The following PTPRD variants were observed in gnomAD, a reference collection of about 807,000 sequenced individuals.
PTPRD encodes the protein receptor-type tyrosine-protein phosphatase delta.
PTPRD carries 34 observed loss-of-function variants against 214.5 expected under a neutral mutation model. The ratio of observed to expected loss-of-function variants is 0.16; its 90% CI spans 0.12 to 0.21. The LOEUF is 0.21. Among genes scored for constraint, PTPRD ranks in the 10% least tolerant of loss-of-function variants. The pLI is 1.00. For synonymous variants in PTPRD, 1,128 were observed against 845.7 expected (o/e 1.33, Z -5.79); for missense variants, 2,545 against 2,398.7 (o/e 1.06, Z -1.27).
At chr9:8,327,910 T>C (rs1835605502) in intron 44 of PTPRD, among the ~76,000 whole-genome samples, 1 of 152,122 alleles carries the variant, frequency 6.6e-6, no homozygotes, top group Admixed American at 6.6e-5. Context: ...ATGTGTGTCT[T>C]TGCATGTGAG....
intron 10 of PTPRD, chr9:9,090,812 G>A: frequency 1.4e-6 from 1 of 712,766 alleles, no homozygotes. Context: ...AACTCTTAAT[G>A]ACATCTCAAT....
intron 8 of PTPRD, among the ~76,000 whole-genome samples, chr9:9,517,352 G>C (rs1207572411): frequency 2.0e-5 from 3 of 152,002 alleles, no homozygotes; most frequent in Admixed American, 2.0e-4. Flanking sequence ...TTTAGTAAGG[G>C]GATAGACTTT....
chr9:8,479,178 T>C (rs2096829721), intron 30 of PTPRD, among the ~76,000 whole-genome samples: 1 of 152,212 alleles, frequency 6.6e-6, no homozygotes, highest in Non-Finnish European at 1.5e-5. Flanking sequence ...CCGTGTTACA[T>C]TAACCAGTCT....
intron 8 of PTPRD, among the ~76,000 whole-genome samples, chr9:9,523,933 G>C (rs1186841721): frequency 6.6e-6 from 1 of 152,126 alleles, no homozygotes; most frequent in African/African-American, 2.4e-5. Context: ...GCTGACTTCA[G>C]GAGCGAGCAG....
intron 39 of PTPRD, among the ~76,000 whole-genome samples, chr9:8,372,139 A>T (rs1388194456): frequency 1.3e-5 from 2 of 152,082 alleles, no homozygotes; most frequent in Non-Finnish European, 2.9e-5. Flanking sequence ...GAAAAGTCTC[A>T]TGGGATTGCC....
At chr9:8,449,285 G>T (rs1438507305) in intron 34 of PTPRD, among the ~76,000 whole-genome samples, 1 of 147,578 alleles carries the variant, frequency 6.8e-6, no homozygotes, top group East Asian at 2.1e-4. Context: ...CTCTTTCAGA[G>T]TACCATAAAC....
At chr9:9,941,092 CAT>C (rs2091332747) in intron 4 of PTPRD, among the ~76,000 whole-genome samples, 1 of 152,092 alleles carries the variant, frequency 6.6e-6, no homozygotes, top group Non-Finnish European at 1.5e-5. Context: ...AAAAAAATCT[CAT>C]GTTTTCTCAT....
rs1435975309 is a variant in PTPRD, at chr9:8,319,812, A to C, written c.5670+19T>G. 3 of 1,611,414 alleles carry C rather than the reference A, an allele frequency of 1.9e-6. No individual in the cohort carries two copies. Among genetic ancestry groups the C allele is most frequent in the Non-Finnish European group, 8.5e-7 (1 of 1,178,918 alleles). Reference sequence around the variant, plus strand: ...AACGTAGGCTCTTGAGATGCGAAAAATGCAATGGATTTTCTCACCTCTGTC... The same window carrying C: ...AACGTAGGCTCTTGAGATGCGAAAACTGCAATGGATTTTCTCACCTCTGTC... On this transcript the variant is annotated intron_variant, in intron 45 of 45. Transcript: ENST00000381196.
chr9:8,784,667 T>A (rs991635038), intron 11 of PTPRD, among the ~76,000 whole-genome samples: 3 of 152,174 alleles, frequency 2.0e-5, no homozygotes, highest in Non-Finnish European at 4.4e-5. Context: ...AAAGCGTGAA[T>A]AAATTTTGCT....
At chr9:8,519,087 AC>A (rs762793315) in intron 20 of PTPRD, among the ~76,000 whole-genome samples, 16 of 152,346 alleles carry the variant, frequency 1.1e-4, no homozygotes, top group Non-Finnish European at 1.9e-4. Context: ...TAAATGAAAA[AC>A]CAAAAATTTT....
intron 9 of PTPRD, among the ~76,000 whole-genome samples, chr9:9,336,132 T>C (rs1403748387): frequency 1.3e-5 from 2 of 152,084 alleles, no homozygotes; most frequent in Non-Finnish European, 2.9e-5. Context: ...AATGCAAAGA[T>C]ATAAGCTTTG....
At chr9:9,944,603 T>C (rs563184690) in intron 4 of PTPRD, among the ~76,000 whole-genome samples, 1 of 152,138 alleles carries the variant, frequency 6.6e-6, no homozygotes, top group African/African-American at 2.4e-5. Context: ...GGCATGTGTA[T>C]AACTGGGTGA....
intron 2 of PTPRD, among the ~76,000 whole-genome samples, chr9:10,602,228 G>A (rs2078164565): frequency 6.6e-6 from 1 of 151,776 alleles, no homozygotes; most frequent in Admixed American, 6.6e-5. Flanking sequence ...CCAATTCGCT[G>A]TGAAAGAGCA....
At chr9:9,821,578 T>C (rs1359659168) in intron 5 of PTPRD, among the ~76,000 whole-genome samples, 10 of 152,214 alleles carry the variant, frequency 6.6e-5, no homozygotes, top group African/African-American at 2.2e-4. Context: ...ATAATGATTA[T>C]TGCATAGGCT....
rs375825945 is a variant in PTPRD, at chr9:9,447,173, C to A, written c.-236-49691G>T. Among the ~76,000 whole-genome samples, 153 of 152,088 alleles carry A rather than the reference C, an allele frequency of 1.0e-3. 1 individual carries two copies. The highest frequency in any genetic ancestry group is 3.6e-3 in the African/African-American group (148 of 41,478). ...AGCAATCCGATTACTGAGTATATAC[C>A]CAAAGGAATATTAATCATTCTATCA... On this transcript the variant is annotated intron_variant, in intron 8 of 45. Transcript: ENST00000381196.
At chr9:10,416,118 C>T (rs1223156009) in intron 2 of PTPRD, among the ~76,000 whole-genome samples, 4 of 151,456 alleles carry the variant, frequency 2.6e-5, no homozygotes, top group Admixed American at 6.6e-5. Flanking sequence ...GAGGCCGAGG[C>T]GGGCGGATCA....
At chr9:8,990,840 T>C (rs978896152) in intron 11 of PTPRD, among the ~76,000 whole-genome samples, 5 of 152,008 alleles carry the variant, frequency 3.3e-5, no homozygotes, top group African/African-American at 1.2e-4. Context: ...CCTAAGTCAG[T>C]CTACTGCCGT....
intron 2 of PTPRD, among the ~76,000 whole-genome samples, chr9:10,406,663 G>C (rs1219889490): frequency 9.9e-5 from 15 of 151,592 alleles, no homozygotes; most frequent in Non-Finnish European, 1.2e-4. Flanking sequence ...AAATATCTAT[G>C]ACAGAAGAAT....
chr9:8,964,190 G>GTTTTTTTTTTTTTTTTTTTTTTTTTT lies in PTPRD; in HGVS notation c.-104+54506_-104+54507insAAAAAAAAAAAAAAAAAAAAAAAAAA, dbSNP rs1334290420. Among the ~76,000 whole-genome samples the GTTTTTTTTTTTTTTTTTTTTTTTTTT allele has an allele frequency of 6.0e-4, 32 of 52,944 alleles. 9 individuals carry two copies. The highest frequency in any genetic ancestry group is 0.013 in the Middle Eastern group (1 of 76). 34.7% of individuals were successfully genotyped at this position (52,944 alleles called of 152,430 possible). ...CTGTGAATCTATCTAGTTCAGGGCTGTGTTTTTTTTTTTTTTTTTTTTTTT... is the reference window on the plus strand; with the variant it reads ...CTGTGAATCTATCTAGTTCAGGGCTGTTTTTTTTTTTTTTTTTTTTTTTTTTTGTTTTTTTTTTTTTTTTTTTTTTT... On this transcript the variant is annotated intron_variant, in intron 11 of 45. Coordinates refer to ENST00000381196, the MANE Select transcript of PTPRD (RefSeq NM_002839.4).
Sources: gnomAD v4.1 joint callset for allele counts (sites outside exome capture counted in the v4.1 genomes callset) on GRCh38, gnomAD v4.1.1 for gene constraint, MANE v1.5 for transcripts, NCBI Gene and HGNC (gene_info 2026-07-23, HGNC 2026-07-21) for gene names.